ANO4: variants seen among roughly 807,000 people sequenced by gnomAD.
ANO4 encodes anoctamin-4.
Under a neutral mutation model 141.9 loss-of-function variants are expected in ANO4, and 69 were observed. The observed-to-expected ratio is 0.49, with a 90% CI of 0.40 to 0.59. ANO4 has a LOEUF of 0.59. ANO4 is among the 20% of genes least tolerant of loss of function. ANO4 has a pLI of 0.00. For synonymous variants in ANO4, 350 were observed against 394.3 expected (o/e 0.89, Z 1.33); for missense variants, 894 against 1,162.2 (o/e 0.77, Z 3.36).
At chr12:100,717,488 C>A, upstream of ANO4, 1 of 398,604 alleles carries the variant, frequency 2.5e-6, no homozygotes, top group Non-Finnish European at 4.4e-6. Context: ...GCCGCTCTAG[C>A]CGACGCCCTG....
chr12:100,780,241 G>A (rs573311535), intron 3 of ANO4, among the ~76,000 whole-genome samples: 5 of 152,166 alleles, frequency 3.3e-5, no homozygotes, highest in African/African-American at 9.6e-5. Flanking sequence ...CCCAAATTGA[G>A]GCTTAGCTCA....
At chr12:100,762,807 C>A (rs1056794312) in intron 3 of ANO4, among the ~76,000 whole-genome samples, 2 of 152,150 alleles carry the variant, frequency 1.3e-5, no homozygotes, top group African/African-American at 4.8e-5. Context: ...ATGCATTAAT[C>A]CACTAGAATG....
At chr12:100,880,813 G>A (rs796485582) in intron 1 of ANO4, among the ~76,000 whole-genome samples, 21 of 152,270 alleles carry the variant, frequency 1.4e-4, no homozygotes, top group African/African-American at 4.8e-4. Context: ...TTTGCGCTAT[G>A]AGAGTATTTA....
chr12:101,094,295 G>C lies in ANO4; in HGVS notation c.1738+3G>C. The C allele has an allele frequency of 1.2e-6, 2 of 1,607,820 alleles. No homozygotes were observed. The highest frequency in any genetic ancestry group is 1.7e-6 in the Non-Finnish European group (2 of 1,174,628). ...TGCCCTGCTTCTGACGAATTTAGGT[G>C]AGTGGAATCCTTTCTATTTCATAGA... On this transcript the variant is annotated splice_donor_region_variant and intron_variant, in intron 18 of 27. Transcript: ENST00000392977.
At chr12:100,771,268 C>T (rs73147616) in intron 3 of ANO4, among the ~76,000 whole-genome samples, 6,839 of 152,134 alleles carry the variant, frequency 0.045, 174 homozygotes, top group Non-Finnish European at 0.065. Flanking sequence ...GACAGGAAAG[C>T]TAGACCATGG....
intron 1 of ANO4, among the ~76,000 whole-genome samples, chr12:100,728,240 TTGTTA>T (rs1455131747): frequency 6.6e-6 from 1 of 152,190 alleles, no homozygotes; most frequent in Non-Finnish European, 1.5e-5. Context: ...TTATTTTCTT[TTGTTA>T]TAAGATTGTG....
rs188733742 is a variant in ANO4, at chr12:100,996,267, A to G, written c.734+8597A>G. Among the ~76,000 whole-genome samples the G allele has an allele frequency of 1.9e-3, 291 of 152,336 alleles. 1 individual carries two copies. The highest frequency in any genetic ancestry group is 6.7e-3 in the African/African-American group (278 of 41,576). ...TGCTTTCACGCCTTTTTCTGCTTCT[A>G]TGCTGTGAGCTAGGGCATAAGAAAA... is the stretch of plus-strand genomic sequence containing the variant. On this transcript the variant is annotated intron_variant, in intron 8 of 27. Coordinates refer to ENST00000392977, the MANE Select transcript of ANO4 (RefSeq NM_001286615.2).
chr12:100,847,029 A>G (rs1565931363), intron 1 of ANO4, among the ~76,000 whole-genome samples: 1 of 152,134 alleles, frequency 6.6e-6, no homozygotes, highest in Non-Finnish European at 1.5e-5. Flanking sequence ...CCCAGACCAG[A>G]TTAGGTCCCA....
At chr12:100,885,796 G>A (rs527597491) in intron 1 of ANO4, among the ~76,000 whole-genome samples, 3 of 152,134 alleles carry the variant, frequency 2.0e-5, no homozygotes, top group South Asian at 2.1e-4. Flanking sequence ...TATTTTCTTC[G>A]GAAGTTGCAG....
intron 26 of ANO4, among the ~76,000 whole-genome samples, chr12:101,123,980 A>G (rs949840932): frequency 1.3e-5 from 2 of 151,880 alleles, no homozygotes; most frequent in Non-Finnish European, 2.9e-5. Context: ...CCTTTGCCAT[A>G]CAAGTTATAG....
At chr12:100,884,362 A>C (rs780001716) in intron 1 of ANO4, among the ~76,000 whole-genome samples, 1 of 152,238 alleles carries the variant, frequency 6.6e-6, no homozygotes, top group African/African-American at 2.4e-5. Context: ...GCAGCTTCAC[A>C]GTCTCCCTCC....
At chr12:100,824,130 C>T (rs1017753171) in intron 1 of ANO4, among the ~76,000 whole-genome samples, 1 of 151,910 alleles carries the variant, frequency 6.6e-6, no homozygotes, top group East Asian at 1.9e-4. Flanking sequence ...TTTTGTGCAA[C>T]TTGGAGTTTT....
chr12:101,059,547 T>G (rs2048262428), intron 14 of ANO4, among the ~76,000 whole-genome samples: 1 of 152,234 alleles, frequency 6.6e-6, no homozygotes, highest in Non-Finnish European at 1.5e-5. Context: ...GAACTTGTTA[T>G]TGGGCTATTC....
chr12:100,818,530 C>T (rs1379313900), intron 1 of ANO4, among the ~76,000 whole-genome samples: 1 of 151,836 alleles, frequency 6.6e-6, no homozygotes, highest in Non-Finnish European at 1.5e-5. Flanking sequence ...CATCTCTGAG[C>T]TTCATCATTA....
At chr12:101,035,083 GT>G (rs1310994174) in intron 9 of ANO4, among the ~76,000 whole-genome samples, 2 of 152,180 alleles carry the variant, frequency 1.3e-5, no homozygotes, top group African/African-American at 4.8e-5. Context: ...TTGATGCAAA[GT>G]TTTGTATATG....
rs950192646 is a variant in ANO4, at chr12:100,794,864, A to C, written c.-304A>C. On this transcript the variant is annotated 5_prime_UTR_variant, in exon 1 of 28. Transcript: ENST00000392977. The stretch of plus-strand genomic sequence containing the variant: ...AAACAACTGCATACGGCCCGAGGGG[A>C]GGCTGAAAAGGACTTGTGTGTGGTG... The C allele has an allele frequency of 6.6e-6, 1 of 152,396 alleles. No homozygotes were observed. Among genetic ancestry groups the C allele is most frequent in the Non-Finnish European group, 1.5e-5 (1 of 68,050 alleles). 9.4% of individuals were successfully genotyped at this position (152,396 alleles called of 1,614,324 possible). A position where few individuals can be genotyped will look rare whatever the true frequency, so the allele number is the denominator to read the frequency against.
chr12:100,868,181 A>T (rs2038852853), intron 1 of ANO4, among the ~76,000 whole-genome samples: 1 of 152,158 alleles, frequency 6.6e-6, no homozygotes, highest in Non-Finnish European at 1.5e-5. Flanking sequence ...AAACAGCCAT[A>T]GGATGCTATG....
At chr12:100,781,724 C>G (rs1264617764) in intron 3 of ANO4, among the ~76,000 whole-genome samples, 1 of 152,134 alleles carries the variant, frequency 6.6e-6, no homozygotes, top group African/African-American at 2.4e-5. Context: ...CTACATAGGG[C>G]TCCTTTCATT....
Position 101,116,709 on chromosome 12 carries a change from G to T in ANO4, c.2481G>T (p.Leu827Phe). The T allele has an allele frequency of 6.2e-7, 1 of 1,614,116 alleles. No homozygotes were observed. Among genetic ancestry groups the T allele is most frequent in the Non-Finnish European group, 8.5e-7 (1 of 1,180,014 alleles). ...KCMVGYVNAS[L>F]SVFRISDFEN... is the part of the protein sequence containing the mutation. ...TGGTTGGCTATGTGAATGCCAGCTT[G>T]TCTGTATTTCGAATTTCTGACTTTG... The change falls in exon 25 of 28, where the codon TTG becomes TTT. Residue 827 changes from leucine (L) to phenylalanine (F), a missense_variant. Transcript: ENST00000392977.
Sources: gnomAD v4.1 joint callset for allele counts (sites outside exome capture counted in the v4.1 genomes callset) on GRCh38, gnomAD v4.1.1 for gene constraint, MANE v1.5 for transcripts, NCBI Gene and HGNC (gene_info 2026-07-23, HGNC 2026-07-21) for gene names.